CCDC3: variants seen among roughly 807,000 people sequenced by gnomAD.
CCDC3 encodes coiled-coil domain-containing protein 3.
In CCDC3, 24 loss-of-function variants were observed where a neutral mutation model predicts 21.4. The ratio of observed to expected loss-of-function variants is 1.12; its 90% confidence interval spans 0.81 to 1.58. CCDC3 has a LOEUF of 1.58. Ranked by LOEUF, CCDC3 falls within the 40% of genes most tolerant of loss-of-function variation. CCDC3 has a pLI of 0.00. For synonymous variants in CCDC3, 186 were observed against 166.0 expected (o/e 1.12, Z -0.93); for missense variants, 425 against 360.9 (o/e 1.18, Z -1.44).
chr10:12,931,550 G>C (rs7918971), intron 2 of CCDC3, among the ~76,000 whole-genome samples: 2 of 152,210 alleles, frequency 1.3e-5, no homozygotes, highest in Admixed American at 6.5e-5. Flanking sequence ...TGTTGTAGAA[G>C]CATTTGGTTT....
At chr10:13,091,969 C>A (rs1313916092) in intron 3 of CCDC3, among the ~76,000 whole-genome samples, 2 of 152,062 alleles carry the variant, frequency 1.3e-5, no homozygotes, top group Admixed American at 6.6e-5. Flanking sequence ...ACCAAAGTGT[C>A]AATGTTGTGT....
chr10:12,949,435 GT>G (rs1212160870), intron 2 of CCDC3, among the ~76,000 whole-genome samples: 5 of 152,298 alleles, frequency 3.3e-5, no homozygotes, highest in Admixed American at 2.0e-4. Context: ...TGGACCAGGA[GT>G]TGAACTTAGC....
intron 3 of CCDC3, among the ~76,000 whole-genome samples, chr10:13,081,716 T>C (rs1837041350): frequency 6.6e-6 from 1 of 152,174 alleles, no homozygotes; most frequent in African/African-American, 2.4e-5. Flanking sequence ...GTCTCTATAG[T>C]AAAAGTAAAA....
chr10:13,058,086 G>T, intron 4 of CCDC3: 1 of 765,570 alleles, frequency 1.3e-6, no homozygotes. Context: ...CCCCTGATGT[G>T]CTTCTGGTGT....
At chr10:12,979,076 T>C (rs1835459167) in intron 2 of CCDC3, among the ~76,000 whole-genome samples, 1 of 152,122 alleles carries the variant, frequency 6.6e-6, no homozygotes, top group African/African-American at 2.4e-5. Context: ...GCCTCACAAA[T>C]TGCTCACAAG....
At chr10:12,928,132 A>G (rs1834575360) in intron 2 of CCDC3, among the ~76,000 whole-genome samples, 1 of 152,216 alleles carries the variant, frequency 6.6e-6, no homozygotes, top group Admixed American at 6.5e-5. Flanking sequence ...AAAAATGTAG[A>G]CAGACCCAGA....
At position 13,097,159 on chromosome 10, in the gene CCDC3, C is replaced by A. The variant is rs1832637328; in HGVS notation, c.-503+1366G>T. On this transcript the variant is annotated intron_variant, in intron 3 of 6. Transcript: ENST00000378839. ...ACCTTCCCACACTGCTCTACATTTA[C>A]CCACCACAAAACCACATCAACAAAT... Among the ~76,000 whole-genome samples, 9 of 152,248 alleles carry A rather than the reference C, an allele frequency of 5.9e-5. No homozygotes were observed. The South Asian group carries it at 1.9e-3, about 32-fold the overall frequency.
intron 2 of CCDC3, among the ~76,000 whole-genome samples, chr10:12,983,904 A>G (rs923975742): frequency 6.6e-6 from 1 of 152,042 alleles, no homozygotes; most frequent in Non-Finnish European, 1.5e-5. Flanking sequence ...ACATGGTAAA[A>G]CCCTGTCTCT....
chr10:13,086,516 G>C (rs754274361), intron 3 of CCDC3, among the ~76,000 whole-genome samples: 2 of 152,228 alleles, frequency 1.3e-5, no homozygotes, highest in Non-Finnish European at 2.9e-5. Context: ...AAGTGCAGTG[G>C]CACAATCTCA....
chr10:13,018,671 C>T (rs898383119), intron 5 of CCDC3, among the ~76,000 whole-genome samples: 3 of 152,098 alleles, frequency 2.0e-5, no homozygotes, highest in African/African-American at 7.2e-5. Flanking sequence ...TGGCTCATGC[C>T]TGTAATCCCA....
chr10:13,045,163 A>G (rs750681810), intron 5 of CCDC3, among the ~76,000 whole-genome samples: 4 of 152,188 alleles, frequency 2.6e-5, no homozygotes, highest in Non-Finnish European at 5.9e-5. Context: ...GATATATTCA[A>G]TGCCTGAAAT....
intron 2 of CCDC3, among the ~76,000 whole-genome samples, chr10:12,941,716 A>G (rs1834834399): frequency 6.6e-6 from 1 of 152,230 alleles, no homozygotes; most frequent in Non-Finnish European, 1.5e-5. Flanking sequence ...CTTAGTATAA[A>G]AACAAACTGG....
intron 5 of CCDC3, among the ~76,000 whole-genome samples, chr10:13,028,200 C>T (rs1192019579): frequency 8.5e-5 from 13 of 152,076 alleles, no homozygotes. Flanking sequence ...TTTTCCCATA[C>T]CGTTCTCATG....
At chr10:13,046,304 G>T (rs9731204) in intron 5 of CCDC3, among the ~76,000 whole-genome samples, 80,538 of 151,380 alleles carry the variant, frequency 0.53, 22,539 homozygotes, top group Non-Finnish European at 0.61. Context: ...TGCTAGGGAG[G>T]CTGAGTTGGG....
chr10:13,022,095 C>G (rs1026163807), intron 5 of CCDC3, among the ~76,000 whole-genome samples: 1 of 152,128 alleles, frequency 6.6e-6, no homozygotes, highest in African/African-American at 2.4e-5. Context: ...TCCTTCCTCC[C>G]CCAGCCCACC....
At chr10:13,003,531 G>T (rs189848866), upstream of CCDC3, among the ~76,000 whole-genome samples, 1 of 152,198 alleles carries the variant, frequency 6.6e-6, no homozygotes, top group Non-Finnish European at 1.5e-5. Context: ...AGCAAATTAA[G>T]AGAAAACCTT....
chr10:12,961,820 C>T (rs1835182279), intron 2 of CCDC3, among the ~76,000 whole-genome samples: 1 of 152,156 alleles, frequency 6.6e-6, no homozygotes, highest in Admixed American at 6.5e-5. Flanking sequence ...CCTCATGAAG[C>T]TTCCAAGTAG....
rs112947818 is a variant in CCDC3 at position 12,920,944 on chromosome 10, G to T, written c.550-22265C>A. Among the ~76,000 whole-genome samples the T allele has an allele frequency of 5.8e-3, 876 of 152,302 alleles. 7 individuals are homozygous for T. Among genetic ancestry groups the T allele is most frequent in the African/African-American group, 0.02 (825 of 41,570 alleles). On this transcript the variant is annotated intron_variant, in intron 2 of 2. Transcript: ENST00000378825. ...AGAAGATTTATTTTGCAAACCAGGG[G>T]CTCACAGAGGAGGGCAGGCTTCAGC...
intron 2 of CCDC3, among the ~76,000 whole-genome samples, chr10:12,996,936 G>C (rs1007573527): frequency 3.3e-5 from 5 of 152,130 alleles, no homozygotes; most frequent in Admixed American, 1.3e-4. Context: ...GTGAGGGTGG[G>C]AGGAGGGTGA....
Sources: allele counts gnomAD v4.1 joint callset (sites outside exome capture counted in the v4.1 genomes callset), GRCh38; gene constraint gnomAD v4.1.1; transcripts MANE v1.5; gene names NCBI Gene and HGNC (gene_info 2026-07-23, HGNC 2026-07-21).